Variants in TMEM131L observed in about 807,000 individuals in gnomAD.
TMEM131L encodes the protein transmembrane 131 like.
A neutral mutation model predicts 192.2 loss-of-function variants in TMEM131L; 54 were observed. The observed-to-expected ratio is 0.28, with a 90% CI of 0.23 to 0.35. The LOEUF is 0.35. TMEM131L is among the 10% of genes least tolerant of loss of function. The pLI, the probability that TMEM131L is intolerant of heterozygous loss-of-function variation, is 1.00. For synonymous variants in TMEM131L, 701 were observed against 704.9 expected (o/e 0.99, Z 0.09); for missense variants, 1,888 against 1,972.9 (o/e 0.96, Z 0.82).
intron 7 of TMEM131L, among the ~76,000 whole-genome samples, chr4:153,564,374 G>T (rs748345844): frequency 6.6e-6 from 1 of 150,956 alleles, no homozygotes; most frequent in South Asian, 2.1e-4. Context: ...CACATAGCAG[G>T]TGCCATCTAG....
intron 12 of TMEM131L, among the ~76,000 whole-genome samples, 164 bp from the exon 13 acceptor site, chr4:153,585,293 TG>T (rs775138522): frequency 3.3e-5 from 5 of 152,298 alleles, no homozygotes; most frequent in Non-Finnish European, 2.9e-5. Context: ...TTGCTCCCTA[TG>T]TGAGCCAGAA....
intron 14 of TMEM131L, among the ~76,000 whole-genome samples, chr4:153,587,024 T>C (rs1730745734): frequency 6.6e-6 from 1 of 152,206 alleles, no homozygotes; most frequent in African/African-American, 2.4e-5. Flanking sequence ...GCAACCATCT[T>C]TATTTTTTTT....
chr4:153,536,727 C>T lies in TMEM131L; in HGVS notation c.240-13346C>T, dbSNP rs938627398. On this transcript the variant is annotated intron_variant, in intron 3 of 34. Transcript: ENST00000409959. ...GTCTGTCTGTCTATCTATCTCCCTC[C>T]CTCCCTCCCTCCCTTCTATGTATAT... Among the ~76,000 whole-genome samples the T allele has an allele frequency of 4.7e-5, 7 of 149,470 alleles. No individual in the cohort carries two copies. In the East Asian group the frequency reaches 1.2e-3, roughly 26 times the overall value.
chr4:153,604,743 C>T (rs568106901), intron 25 of TMEM131L, among the ~76,000 whole-genome samples: 19 of 152,236 alleles, frequency 1.2e-4, no homozygotes, highest in South Asian at 8.3e-4. Flanking sequence ...CTTGCTCTGT[C>T]GTCCAGGCTA....
At chr4:153,578,522 G>GTTT (rs34872169) in intron 7 of TMEM131L, among the ~76,000 whole-genome samples, 2 of 127,818 alleles carry the variant, frequency 1.6e-5, no homozygotes, top group Admixed American at 7.9e-5. Flanking sequence ...TGCCCAGCTA[G>GTTT]TTTTTTTTTT....
At chr4:153,526,033 A>G (rs985614101) in intron 3 of TMEM131L, among the ~76,000 whole-genome samples, 1 of 151,342 alleles carries the variant, frequency 6.6e-6, no homozygotes, top group Non-Finnish European at 1.5e-5. Flanking sequence ...ATTTTTTTGT[A>G]TTTTTAGTAG....
chr4:153,529,348 C>T (rs1267627517), intron 3 of TMEM131L, among the ~76,000 whole-genome samples: 1 of 152,132 alleles, frequency 6.6e-6, no homozygotes, highest in Non-Finnish European at 1.5e-5. Context: ...AGTAAAATTT[C>T]CACTAAAATT....
chr4:153,510,478 T>C (rs992643377), intron 3 of TMEM131L, among the ~76,000 whole-genome samples: 1 of 152,150 alleles, frequency 6.6e-6, no homozygotes, highest in South Asian at 2.1e-4. Flanking sequence ...CTACCCCTTA[T>C]CAGAGTGCCA....
chr4:153,560,635 T>G (rs1023311215), intron 7 of TMEM131L, among the ~76,000 whole-genome samples: 1 of 152,218 alleles, frequency 6.6e-6, no homozygotes, highest in Non-Finnish European at 1.5e-5. Context: ...TCTCTAAAGA[T>G]TTGTCTATTT....
At chr4:153,527,163 C>T (rs776457831) in intron 3 of TMEM131L, among the ~76,000 whole-genome samples, 6 of 152,110 alleles carry the variant, frequency 3.9e-5, no homozygotes, top group Non-Finnish European at 8.8e-5. Flanking sequence ...TGGGGTTATT[C>T]TAGCAGGTAC....
At chr4:153,600,511 G>A (rs11099889) in intron 21 of TMEM131L, among the ~76,000 whole-genome samples, 40,455 of 152,098 alleles carry the variant, frequency 0.27, 5,607 homozygotes, top group Non-Finnish European at 0.31. Flanking sequence ...ATGTTGCACT[G>A]GAAAATTTTA....
chr4:153,611,281 T>G (rs1332308836), intron 25 of TMEM131L, among the ~76,000 whole-genome samples: 1 of 152,188 alleles, frequency 6.6e-6, no homozygotes, highest in Non-Finnish European at 1.5e-5. Context: ...TCTTTACAAC[T>G]GTCAAACAAG....
intron 25 of TMEM131L, among the ~76,000 whole-genome samples, chr4:153,611,177 G>A (rs1732585505): frequency 6.6e-6 from 1 of 152,260 alleles, no homozygotes; most frequent in South Asian, 2.1e-4. Context: ...CACAGGGGCA[G>A]GGCGGGCATT....
chr4:153,557,131 T>G lies in TMEM131L; in HGVS notation c.549+49T>G, dbSNP rs760848627. 14 of 824,450 alleles carry G rather than the reference T, an allele frequency of 1.7e-5. No individual in the cohort carries two copies. The African/African-American group carries it at 2.2e-4, about 13-fold the overall frequency. 51.1% of individuals were successfully genotyped at this position (824,450 alleles called of 1,614,324 possible). The stretch of plus-strand genomic sequence containing the variant: ...ACAACTTTGGTTGGTGACTTAACTG[T>G]AGGGGTGTGTGTGTATATTTTTAAA... On this transcript the variant is annotated intron_variant, in intron 6 of 34. Transcript: ENST00000409959.
At chr4:153,569,698 T>G (rs1412014167) in intron 7 of TMEM131L, among the ~76,000 whole-genome samples, 1 of 152,216 alleles carries the variant, frequency 6.6e-6, no homozygotes, top group Non-Finnish European at 1.5e-5. Flanking sequence ...TGTCTCAGTT[T>G]ATCTGTAAAA....
At chr4:153,558,632 T>A (rs1728644092) in intron 7 of TMEM131L, 1 of 218,818 alleles carries the variant, frequency 4.6e-6, no homozygotes, top group African/African-American at 2.3e-5. Flanking sequence ...GCCATATACC[T>A]ATTTTATAAG....
intron 3 of TMEM131L, among the ~76,000 whole-genome samples, chr4:153,497,975 G>T (rs1249942939): frequency 2.6e-5 from 4 of 151,302 alleles, no homozygotes; most frequent in African/African-American, 9.7e-5. Context: ...TAAGGGTTCT[G>T]ATGGCAGAGA....
chr4:153,526,523 A>G (rs532457879), intron 3 of TMEM131L, among the ~76,000 whole-genome samples: 1 of 152,044 alleles, frequency 6.6e-6, no homozygotes, highest in African/African-American at 2.4e-5. Flanking sequence ...TCACGAGGTC[A>G]GGAGATTGAG....
intron 7 of TMEM131L, among the ~76,000 whole-genome samples, chr4:153,560,248 T>C (rs1023680525): frequency 2.0e-5 from 3 of 152,170 alleles, no homozygotes; most frequent in Non-Finnish European, 2.9e-5. Context: ...GACCATCTGA[T>C]TGAGCTTCCC....
Sources: allele counts gnomAD v4.1 joint callset (sites outside exome capture counted in the v4.1 genomes callset), GRCh38; gene constraint gnomAD v4.1.1; transcripts MANE v1.5; gene names NCBI Gene and HGNC (gene_info 2026-07-23, HGNC 2026-07-21).